The following SPIDR variants were observed in gnomAD, a reference collection of about 807,000 sequenced individuals.
SPIDR encodes the protein DNA repair-scaffolding protein.
SPIDR carries 93 observed loss-of-function variants against 104.6 expected under a neutral mutation model. The ratio of observed to expected loss-of-function variants is 0.89; its 90% CI spans 0.75 to 1.06. The LOEUF is 1.06. Ranked by LOEUF, SPIDR falls within the 50% of genes least tolerant of loss-of-function variation. The pLI is 0.00. For synonymous variants in SPIDR, 431 were observed against 416.9 expected (o/e 1.03, Z -0.41); for missense variants, 1,154 against 1,111.2 (o/e 1.04, Z -0.55).
chr8:47,275,074 A>G (rs893713120), intron 1 of SPIDR, among the ~76,000 whole-genome samples: 3 of 151,338 alleles, frequency 2.0e-5, no homozygotes, highest in East Asian at 3.9e-4. Flanking sequence ...CCTGGCTAAC[A>G]TGGTGAAACC....
intron 8 of SPIDR, among the ~76,000 whole-genome samples, chr8:47,491,928 ACAG>A (rs2078784922): frequency 1.3e-5 from 2 of 152,162 alleles, no homozygotes; most frequent in South Asian, 4.1e-4. Context: ...CTCTAACCAC[ACAG>A]CAACCTACAA....
chr8:47,545,108 TTTCTTTCTTTC>T (rs1290733653), intron 8 of SPIDR, among the ~76,000 whole-genome samples: 3,381 of 137,594 alleles, frequency 0.025, 235 homozygotes, highest in Admixed American at 0.12. Flanking sequence ...TCTTTCTTTC[TTTCTTTCTTTC>T]TTTTTTTTTT....
At position 47,610,983 on chromosome 8, in the gene SPIDR, C is replaced by T. The variant is rs559699264; in HGVS notation, c.1544+11787C>T. Among the ~76,000 whole-genome samples, 3 of 152,312 alleles carry T rather than the reference C, an allele frequency of 2.0e-5. No individual in the cohort carries two copies. In the East Asian group the frequency reaches 5.8e-4, roughly 29 times the overall value. On this transcript the variant is annotated intron_variant, in intron 10 of 19. Transcript: ENST00000297423. ...TCTCATTTAACCATAAATAAGTCCT[C>T]AGAGGTCAGGGGCTGTGACTCATCT...
intron 5 of SPIDR, among the ~76,000 whole-genome samples, chr8:47,344,319 T>C (rs2051414419): frequency 6.6e-6 from 1 of 152,204 alleles, no homozygotes; most frequent in Non-Finnish European, 1.5e-5. Context: ...TATGGCTGCA[T>C]GGTATTCCAT....
chr8:47,355,271 T>TAAAAAAAAAAAAAAAAA lies in SPIDR; in HGVS notation c.526-41100_526-41084dup, dbSNP rs34902790. Among the ~76,000 whole-genome samples, 33 of 116,552 alleles carry TAAAAAAAAAAAAAAAAA rather than the reference T, an allele frequency of 2.8e-4. 1 individual carries two copies. Among genetic ancestry groups the TAAAAAAAAAAAAAAAAA allele is most frequent in the African/African-American group, 1.1e-3 (32 of 30,200 alleles). 76.5% of individuals were successfully genotyped at this position (116,552 alleles called of 152,430 possible). On this transcript the variant is annotated intron_variant, in intron 5 of 19. Transcript: ENST00000297423. ...ATGCCTGGCCGATGAAGGTTTTTTG[T>TAAAAAAAAAAAAAAAAA]AAAAAAAAAAAAAAAAAAAAATACT...
At chr8:47,379,515 G>A (rs2059073770) in intron 5 of SPIDR, among the ~76,000 whole-genome samples, 1 of 152,082 alleles carries the variant, frequency 6.6e-6, no homozygotes, top group Non-Finnish European at 1.5e-5. Context: ...GGGTGAATTG[G>A]GTGAAAGAAG....
chr8:47,641,502 G>A (rs1477834629), intron 10 of SPIDR, among the ~76,000 whole-genome samples: 1 of 152,244 alleles, frequency 6.6e-6, no homozygotes, highest in Non-Finnish European at 1.5e-5. Context: ...TACTATAGAT[G>A]AGACGTTTTA....
chr8:47,288,841 T>C (rs16924640), intron 3 of SPIDR, among the ~76,000 whole-genome samples: 1,752 of 152,354 alleles, frequency 0.011, 38 homozygotes, highest in African/African-American at 0.039. Context: ...TACTGTTTTT[T>C]CAGACATCAT....
intron 5 of SPIDR, among the ~76,000 whole-genome samples, chr8:47,376,827 ACAT>A (rs1477851878): frequency 6.6e-6 from 1 of 152,176 alleles, no homozygotes; most frequent in African/African-American, 2.4e-5. Flanking sequence ...AAATTGAGAA[ACAT>A]CATTTTTATT....
intron 8 of SPIDR, among the ~76,000 whole-genome samples, chr8:47,485,415 C>A (rs782748798): frequency 1.3e-5 from 2 of 152,232 alleles, no homozygotes; most frequent in African/African-American, 2.4e-5. Flanking sequence ...TCTGTAAACT[C>A]CACCTCTGCG....
chr8:47,650,135 AC>A (rs2154455552), intron 10 of SPIDR, among the ~76,000 whole-genome samples: 2 of 152,278 alleles, frequency 1.3e-5, no homozygotes, highest in African/African-American at 4.8e-5. Flanking sequence ...ATTAAAGGGC[AC>A]CCAGATTGGA....
At chr8:47,300,994 G>A (rs1203788776) in intron 5 of SPIDR, among the ~76,000 whole-genome samples, 3 of 152,162 alleles carry the variant, frequency 2.0e-5, no homozygotes, top group Non-Finnish European at 4.4e-5. Flanking sequence ...TCAGTGCCTG[G>A]ATATCCTTGT....
chr8:47,339,594 A>G (rs1554612327), intron 5 of SPIDR, among the ~76,000 whole-genome samples: 2 of 152,158 alleles, frequency 1.3e-5, no homozygotes, highest in Non-Finnish European at 2.9e-5. Context: ...AGGACTGTTT[A>G]GAGTGAAAAG....
At chr8:47,466,980 C>G (rs1196420762) in intron 8 of SPIDR, among the ~76,000 whole-genome samples, 1 of 145,124 alleles carries the variant, frequency 6.9e-6, no homozygotes, top group Non-Finnish European at 1.5e-5. Flanking sequence ...CTAGACTAAA[C>G]AGAAGAAAAG....
intron 7 of SPIDR, among the ~76,000 whole-genome samples, chr8:47,436,802 G>A (rs1390277533): frequency 6.6e-6 from 1 of 152,176 alleles, no homozygotes; most frequent in African/African-American, 2.4e-5. Flanking sequence ...CTCAGACAAG[G>A]AGGAGCTTAC....
chr8:47,330,950 G>GTT, intron 5 of SPIDR: 1 of 337,272 alleles, frequency 3.0e-6, no homozygotes, highest in Non-Finnish European at 6.0e-6. Flanking sequence ...CAAAGTGGCT[G>GTT]TAACATTTTG....
intron 19 of SPIDR, 59 bp downstream of exon 19, chr8:47,729,524 C>CA: frequency 6.5e-7 from 1 of 1,543,596 alleles, no homozygotes; most frequent in Non-Finnish European, 8.7e-7. Flanking sequence ...ATGAGCAACT[C>CA]ATCCCCAGAG....
chr8:47,668,352 T>G (rs916714496), intron 10 of SPIDR, among the ~76,000 whole-genome samples: 4 of 152,120 alleles, frequency 2.6e-5, no homozygotes, highest in Admixed American at 2.0e-4. Flanking sequence ...AAAAACTACT[T>G]TAATACTCAG....
At chr8:47,408,633 G>A (rs2063082648) in intron 7 of SPIDR, among the ~76,000 whole-genome samples, 2 of 152,024 alleles carry the variant, frequency 1.3e-5, no homozygotes, top group South Asian at 4.1e-4. Context: ...TATCCAAGTT[G>A]GAAAGCAAGA....
Sources: gnomAD v4.1 joint callset for allele counts (sites outside exome capture counted in the v4.1 genomes callset) on GRCh38, gnomAD v4.1.1 for gene constraint, MANE v1.5 for transcripts, NCBI Gene and HGNC (gene_info 2026-07-23, HGNC 2026-07-21) for gene names.